The following ABCA13 variants were observed in gnomAD, a reference collection of about 807,000 sequenced individuals.
ABCA13 encodes ATP binding cassette subfamily A member 13.
Under a neutral mutation model 478.7 loss-of-function variants are expected in ABCA13, and 476 were observed. The ratio of observed to expected loss-of-function variants is 0.99; its 90% CI spans 0.92 to 1.07. The LOEUF (loss-of-function observed/expected upper bound fraction) is 1.07. Among genes scored for constraint, ABCA13 ranks in the 50% least tolerant of loss-of-function variants. The pLI is 0.00. For missense variants in ABCA13, 6,060 were observed against 5,910.6 expected (o/e 1.03, Z -0.83); for synonymous variants, 2,252 against 2,158.9 (o/e 1.04, Z -1.20).
At chr7:48,183,655 G>A (rs1795996867) in intron 1 of ABCA13, among the ~76,000 whole-genome samples, 1 of 152,106 alleles carries the variant, frequency 6.6e-6, no homozygotes, top group African/African-American at 2.4e-5. Context: ...CCATCCTCTT[G>A]GACAGAAACT....
chr7:48,385,866 A>C (rs1467742547), intron 35 of ABCA13, among the ~76,000 whole-genome samples: 1 of 152,134 alleles, frequency 6.6e-6, no homozygotes, highest in Non-Finnish European at 1.5e-5. Flanking sequence ...CTGGTGTGAG[A>C]TGGTATCTCA....
In ABCA13 at chr7:48,617,202, A is replaced by T. The variant is rs11981406; in HGVS notation, c.14837+1825A>T. ...AGATTTTTCATAAACTTCGGCATCC[A>T]TACCTGGGAGTTAGCAACATCAGAA... On this transcript the variant is annotated intron_variant, in intron 59 of 61. Coordinates refer to ENST00000435803, the MANE Select transcript of ABCA13 (RefSeq NM_152701.5). 2.0e-5 allele frequency among the ~76,000 whole-genome samples: 3 copies of T among 152,232 alleles called. No homozygotes were observed. In the South Asian group the frequency reaches 6.2e-4, roughly 31 times the overall value.
chr7:48,364,699 A>G (rs1404253952), intron 31 of ABCA13, among the ~76,000 whole-genome samples: 6 of 152,122 alleles, frequency 3.9e-5, no homozygotes, highest in African/African-American at 1.2e-4. Context: ...ACTTAATATA[A>G]TGTCCTCCAG....
chr7:48,315,989 T>A (rs931676775), intron 26 of ABCA13, among the ~76,000 whole-genome samples: 25 of 152,204 alleles, frequency 1.6e-4, no homozygotes, highest in African/African-American at 5.8e-4. Flanking sequence ...AATAATATTT[T>A]CATTTTAAAT....
intron 31 of ABCA13, among the ~76,000 whole-genome samples, chr7:48,356,342 G>A (rs1170147773): frequency 2.0e-5 from 3 of 151,734 alleles, no homozygotes; most frequent in Admixed American, 1.3e-4. Flanking sequence ...AGCTCTCAAT[G>A]GGAAGAAATG....
rs536881133 is a variant in ABCA13, at chr7:48,228,052, A to G, written c.632+627A>G. 2.6e-5 allele frequency among the ~76,000 whole-genome samples: 4 copies of G among 152,262 alleles called. No homozygotes were observed. In the South Asian group the frequency reaches 8.3e-4, roughly 32 times the overall value. On this transcript the variant is annotated intron_variant, in intron 6 of 61. Transcript: ENST00000435803. ...TCAGCATGGCCCTCTTTTATAACCA[A>G]TTGAATTATTTTGTGTAAACTCATT...
intron 48 of ABCA13, among the ~76,000 whole-genome samples, chr7:48,498,693 C>T (rs1830481571): frequency 6.6e-6 from 1 of 152,128 alleles, no homozygotes; most frequent in African/African-American, 2.4e-5. Context: ...CCATAAAGTA[C>T]ACAGGCCACA....
At chr7:48,384,485 T>C (rs1344016069) in intron 35 of ABCA13, among the ~76,000 whole-genome samples, 1 of 152,176 alleles carries the variant, frequency 6.6e-6, no homozygotes, top group African/African-American at 2.4e-5. Context: ...CTCCTTTTCT[T>C]ATTGGGAAGG....
At chr7:48,246,177 G>A in intron 13 of ABCA13, 147 bp downstream of exon 13, 1 of 875,920 alleles carries the variant, frequency 1.1e-6, no homozygotes, top group Non-Finnish European at 1.6e-6. Context: ...CTGAACTCCA[G>A]CTGCCCTTCA....
At chr7:48,331,448 C>G (rs149348986) in intron 27 of ABCA13, among the ~76,000 whole-genome samples, 1 of 152,122 alleles carries the variant, frequency 6.6e-6, no homozygotes, top group Non-Finnish European at 1.5e-5. Context: ...TAGATTTAAA[C>G]GTGTTAAATG....
chr7:48,264,698 G>C (rs4352796), intron 15 of ABCA13, among the ~76,000 whole-genome samples: 57,406 of 151,128 alleles, frequency 0.38, 12,106 homozygotes, highest in East Asian at 0.59. Flanking sequence ...CATACGCTTT[G>C]CAAATATTTC....
intron 42 of ABCA13, among the ~76,000 whole-genome samples, chr7:48,447,952 G>T (rs1463092725): frequency 2.0e-5 from 3 of 152,140 alleles, no homozygotes; most frequent in African/African-American, 7.2e-5. Context: ...TTGATAGTAG[G>T]GAAATTTTTC....
chr7:48,585,270 T>C (rs1789073942), intron 56 of ABCA13, among the ~76,000 whole-genome samples: 1 of 152,206 alleles, frequency 6.6e-6, no homozygotes, highest in African/African-American at 2.4e-5. Context: ...AAAATAGTTG[T>C]TCTGAATGGA....
intron 55 of ABCA13, among the ~76,000 whole-genome samples, chr7:48,532,249 A>G (rs1833290336): frequency 6.6e-6 from 1 of 152,116 alleles, no homozygotes; most frequent in Non-Finnish European, 1.5e-5. Context: ...GCATCTATTG[A>G]GATGATCATG....
At chr7:48,401,520 CAT>C (rs1202980418) in intron 38 of ABCA13, among the ~76,000 whole-genome samples, 1 of 152,282 alleles carries the variant, frequency 6.6e-6, no homozygotes, top group East Asian at 1.9e-4. Flanking sequence ...GATATATACA[CAT>C]GATTTATCTA....
rs764255120 is a variant in ABCA13, at chr7:48,549,766, G to A, written c.14354+21421G>A. ...TTTAATAATCACCATTCTGACTGACGTGAGATGGTATCTCATTGTGGTTTT... is the reference window on the plus strand; with the variant it reads ...TTTAATAATCACCATTCTGACTGACATGAGATGGTATCTCATTGTGGTTTT... On this transcript the variant is annotated intron_variant, in intron 55 of 61. Coordinates refer to ENST00000435803, the MANE Select transcript of ABCA13 (RefSeq NM_152701.5). 5.7e-4 allele frequency among the ~76,000 whole-genome samples: 86 copies of A among 151,870 alleles called. 1 individual carries two copies. Among genetic ancestry groups the A allele is most frequent in the Admixed American group, 9.2e-4 (14 of 15,216 alleles).
intron 29 of ABCA13, among the ~76,000 whole-genome samples, chr7:48,347,815 A>G (rs1808344195): frequency 6.6e-6 from 1 of 152,256 alleles, no homozygotes; most frequent in African/African-American, 2.4e-5. Flanking sequence ...TATATAGTGT[A>G]TTAATAACCG....
rs78850060 is a variant in ABCA13, at chr7:48,528,402, C to T, written c.14354+57C>T. The stretch of plus-strand genomic sequence containing the variant: ...TAAAGAGATAATAAGCCCAGAGAAC[C>T]CCCAGCATTTTCCCTCAGTCCCGTG... On this transcript the variant is annotated intron_variant, in intron 55 of 61. Transcript: ENST00000435803. The T allele has an allele frequency of 1.5e-3, 1,805 of 1,219,988 alleles. 7 individuals are homozygous for T. The highest frequency in any genetic ancestry group is 1.7e-3 in the South Asian group (80 of 48,254). 75.6% of individuals were successfully genotyped at this position (1,219,988 alleles called of 1,614,324 possible).
At chr7:48,219,563 T>C (rs1584262889) in intron 4 of ABCA13, 58 bp downstream of exon 4, 3 of 1,549,636 alleles carry the variant, frequency 1.9e-6, no homozygotes, top group Non-Finnish European at 2.6e-6. Context: ...TAAGGAGAGC[T>C]GTGGAGGCTA....
Sources: gnomAD v4.1 joint callset for allele counts (sites outside exome capture counted in the v4.1 genomes callset) on GRCh38, gnomAD v4.1.1 for gene constraint, MANE v1.5 for transcripts, NCBI Gene and HGNC (gene_info 2026-07-23, HGNC 2026-07-21) for gene names.